Variants in SGK3 observed in about 807,000 individuals in gnomAD.
SGK3 encodes serine/threonine-protein kinase Sgk3.
In SGK3, 47 loss-of-function variants were observed where a neutral mutation model predicts 68.5. The ratio of observed to expected loss-of-function variants is 0.69; its 90% CI spans 0.54 to 0.87. The LOEUF is 0.87. SGK3 is among the 40% of genes least tolerant of loss of function. The probability of loss-of-function intolerance (pLI) is 0.00; values close to 1 mark genes in which losing one functional copy is unlikely to be tolerated. For synonymous variants in SGK3, 181 were observed against 189.1 expected (o/e 0.96, Z 0.35); for missense variants, 479 against 575.5 (o/e 0.83, Z 1.72).
intron 1 of SGK3, among the ~76,000 whole-genome samples, chr8:66,715,027 C>T (rs1804592295): frequency 6.6e-6 from 1 of 152,180 alleles, no homozygotes; most frequent in African/African-American, 2.4e-5. Context: ...GAGAGATTTC[C>T]AGGCCTAATC....
chr8:66,779,575 T>G (rs1456182918), intron 1 of SGK3, among the ~76,000 whole-genome samples: 2 of 123,060 alleles, frequency 1.6e-5, no homozygotes, highest in African/African-American at 6.1e-5. Flanking sequence ...TATATATATA[T>G]ATATATATAT....
At chr8:66,826,529 G>A (rs912626170) in intron 6 of SGK3, among the ~76,000 whole-genome samples, 1 of 152,116 alleles carries the variant, frequency 6.6e-6, no homozygotes, top group African/African-American at 2.4e-5. Context: ...GCCGCAACAG[G>A]ACTAATCTCA....
At chr8:66,719,278 G>C (rs1804732378) in intron 1 of SGK3, among the ~76,000 whole-genome samples, 1 of 151,646 alleles carries the variant, frequency 6.6e-6, no homozygotes, top group Admixed American at 6.6e-5. Flanking sequence ...TTTAAATGGG[G>C]ATTGTTTTAC....
In SGK3 at chr8:66,720,375, G is replaced by A. The variant is rs146509120; in HGVS notation, c.-122+7542G>A. ...ACAGCTGGCATGGTAGCTCATGCCCGTAACCCCAGCACTTTTAGAGGTTGA... is the reference window on the plus strand; with the variant it reads ...ACAGCTGGCATGGTAGCTCATGCCCATAACCCCAGCACTTTTAGAGGTTGA... On this transcript the variant is annotated intron_variant, in intron 1 of 16. Transcript: ENST00000521198. Among the ~76,000 whole-genome samples, 777 of 152,286 alleles carry A rather than the reference G, an allele frequency of 5.1e-3. 7 individuals carry two copies. The highest frequency in any genetic ancestry group is 8.5e-3 in the Non-Finnish European group (578 of 68,026).
intron 2 of SGK3, among the ~76,000 whole-genome samples, chr8:66,794,477 C>A (rs1807592705): frequency 6.6e-6 from 1 of 151,164 alleles, no homozygotes; most frequent in Admixed American, 6.6e-5. Flanking sequence ...CCTCCTCCCC[C>A]TGAAAAAAAA....
intron 5 of SGK3, 138 bp downstream of exon 5, chr8:66,814,066 C>A: frequency 1.8e-6 from 1 of 542,294 alleles, no homozygotes; most frequent in Non-Finnish European, 2.9e-6. Context: ...TGAGCATTTT[C>A]TCCCTGATAC....
intron 6 of SGK3, among the ~76,000 whole-genome samples, chr8:66,826,949 ACTT>A: frequency 6.6e-6 from 1 of 152,198 alleles, no homozygotes; most frequent in East Asian, 1.9e-4. Flanking sequence ...CCGTTCAGAA[ACTT>A]CTTAAGAACT....
intron 1 of SGK3, among the ~76,000 whole-genome samples, chr8:66,732,993 A>G (rs1187378347): frequency 2.6e-5 from 4 of 152,234 alleles, no homozygotes; most frequent in Non-Finnish European, 4.4e-5. Flanking sequence ...TTGGAAGGCC[A>G]TTCAGCCTAG....
chr8:66,847,864 CTTTT>C (rs34161130), intron 15 of SGK3, among the ~76,000 whole-genome samples: 1 of 111,194 alleles, frequency 9.0e-6, no homozygotes, highest in African/African-American at 3.3e-5. Flanking sequence ...CACTAAGTCA[CTTTT>C]TTTTTTTTTT....
intron 1 of SGK3, among the ~76,000 whole-genome samples, chr8:66,729,825 A>G (rs189194259): frequency 1.3e-5 from 2 of 152,008 alleles, no homozygotes; most frequent in Middle Eastern, 3.4e-3. Context: ...GCTCACTGCA[A>G]CTTCCACCTC....
intron 1 of SGK3, among the ~76,000 whole-genome samples, chr8:66,782,073 A>G (rs1466767484): frequency 6.6e-6 from 1 of 152,154 alleles, no homozygotes; most frequent in East Asian, 1.9e-4. Flanking sequence ...AACATTTGGG[A>G]TGTATTTGGA....
intron 1 of SGK3, among the ~76,000 whole-genome samples, chr8:66,756,978 G>A (rs1016507676): frequency 6.6e-6 from 1 of 152,104 alleles, no homozygotes; most frequent in East Asian, 1.9e-4. Context: ...ACCTTATCAC[G>A]TATAGATCTG....
intron 4 of SGK3, among the ~76,000 whole-genome samples, chr8:66,807,791 C>T (rs1808224273): frequency 1.3e-5 from 2 of 152,008 alleles, no homozygotes; most frequent in African/African-American, 2.4e-5. Flanking sequence ...GGAATCTGTC[C>T]CTAAAATAAG....
At chr8:66,764,917 T>G (rs1360528199) in intron 1 of SGK3, among the ~76,000 whole-genome samples, 1 of 152,224 alleles carries the variant, frequency 6.6e-6, no homozygotes, top group Non-Finnish European at 1.5e-5. Context: ...CCGGGTAATA[T>G]TCCATTGAAT....
intron 13 of SGK3, among the ~76,000 whole-genome samples, chr8:66,841,952 T>C (rs2130726866): frequency 6.6e-6 from 1 of 152,308 alleles, no homozygotes; most frequent in East Asian, 1.9e-4. Context: ...CCACATAATA[T>C]TTCATCTTTA....
At chr8:66,809,463 T>C (rs1808293791) in intron 4 of SGK3, among the ~76,000 whole-genome samples, 1 of 152,136 alleles carries the variant, frequency 6.6e-6, no homozygotes, top group Non-Finnish European at 1.5e-5. Flanking sequence ...GAGCAAAGAT[T>C]AGACAGAATG....
At chr8:66,743,492 C>T (rs76405670) in intron 1 of SGK3, among the ~76,000 whole-genome samples, 1 of 152,316 alleles carries the variant, frequency 6.6e-6, no homozygotes, top group African/African-American at 2.4e-5. Context: ...AACTAGGGTG[C>T]TCCTTTGTCC....
chr8:66,766,301 TC>T (rs560436303), intron 1 of SGK3, among the ~76,000 whole-genome samples: 1 of 152,054 alleles, frequency 6.6e-6, no homozygotes, highest in Non-Finnish European at 1.5e-5. Flanking sequence ...TGTGGGTGGA[TC>T]ACTTGAGGCC....
Position 66,793,825 on chromosome 8 carries a change from G to A in SGK3, c.89G>A (p.Arg30Lys), listed in dbSNP as rs777299349. Reference protein sequence around the residue: ...SSDEHREKKKRFTVYKVLVSV... With the variant: ...SSDEHREKKKKFTVYKVLVSV... ...GATGAACACAGAGAGAAAAAGAAGA[G>A]GTTTACTGTAAGTATTTAACATAAA... Residue 30 changes from arginine to lysine, a missense_variant, in exon 2 of 17, where the codon AGG becomes AAG. Arg to Lys is a conservative substitution (Grantham distance 26). Transcript: ENST00000521198. 1 of 1,611,762 alleles carries A rather than the reference G, an allele frequency of 6.2e-7. No homozygotes were observed. The highest frequency in any genetic ancestry group is 1.3e-5 in the African/African-American group (1 of 74,760).
Sources: gnomAD v4.1 joint callset for allele counts (sites outside exome capture counted in the v4.1 genomes callset) on GRCh38, gnomAD v4.1.1 for gene constraint, MANE v1.5 for transcripts, NCBI Gene and HGNC (gene_info 2026-07-23, HGNC 2026-07-21) for gene names.